The following PCCA variants were observed in gnomAD, a reference collection of about 807,000 sequenced individuals.
PCCA encodes the protein propionyl-CoA carboxylase subunit alpha, also known as propionyl-CoA carboxylase alpha chain, mitochondrial.
PCCA carries 74 observed loss-of-function variants against 101.3 expected under a neutral mutation model. The ratio of observed to expected loss-of-function variants is 0.73; its 90% CI spans 0.61 to 0.89. The LOEUF is 0.89. PCCA is among the 40% of genes least tolerant of loss of function. PCCA has a pLI of 0.00. For synonymous variants in PCCA, 294 were observed against 313.6 expected (o/e 0.94, Z 0.66); for missense variants, 891 against 907.0 (o/e 0.98, Z 0.23).
intron 20 of PCCA, among the ~76,000 whole-genome samples, chr13:100,448,481 G>A (rs184305517): frequency 3.3e-5 from 5 of 152,244 alleles, no homozygotes; most frequent in Middle Eastern, 3.4e-3. Context: ...ATGAGCCACC[G>A]CGCCTGGCCC....
intron 15 of PCCA, among the ~76,000 whole-genome samples, chr13:100,309,614 A>G (rs2066745750): frequency 6.6e-6 from 1 of 152,140 alleles, no homozygotes; most frequent in Admixed American, 6.5e-5. Flanking sequence ...ACTCTTTACT[A>G]TGATAATGAA....
intron 6 of PCCA, among the ~76,000 whole-genome samples, chr13:100,186,563 G>A (rs1199131699): frequency 1.3e-5 from 2 of 151,848 alleles, no homozygotes; most frequent in East Asian, 1.9e-4. Flanking sequence ...GCAAAATGAC[G>A]AAACCCTGTC....
chr13:100,228,726 A>C (rs574661081), intron 7 of PCCA, among the ~76,000 whole-genome samples: 3 of 151,880 alleles, frequency 2.0e-5, no homozygotes, highest in African/African-American at 7.3e-5. Context: ...GTGAAACCCC[A>C]TCTCTACTAA....
intron 8 of PCCA, among the ~76,000 whole-genome samples, chr13:100,240,342 A>G (rs1190740874): frequency 6.7e-6 from 1 of 150,012 alleles, no homozygotes; most frequent in African/African-American, 2.4e-5. Context: ...TTACTTGAAC[A>G]CAGCAAATTT....
chr13:100,497,965 G>T (rs553702785), intron 21 of PCCA, among the ~76,000 whole-genome samples: 8 of 151,824 alleles, frequency 5.3e-5, no homozygotes, highest in Non-Finnish European at 1.2e-4. Flanking sequence ...GAACTACCGG[G>T]CTCAGTTGAT....
intron 18 of PCCA, among the ~76,000 whole-genome samples, chr13:100,359,368 A>G (rs2074321678): frequency 1.3e-5 from 2 of 152,208 alleles, no homozygotes; most frequent in Non-Finnish European, 1.5e-5. Flanking sequence ...AATAAAAGGC[A>G]TAGAAATCAG....
chr13:100,516,860 C>T (rs1273316568), intron 22 of PCCA, among the ~76,000 whole-genome samples: 1 of 151,642 alleles, frequency 6.6e-6, no homozygotes, highest in Non-Finnish European at 1.5e-5. Context: ...TTCACTTGCA[C>T]GTGACATTAT....
chr13:100,206,938 T>C (rs1383474040), intron 6 of PCCA, among the ~76,000 whole-genome samples: 1 of 152,206 alleles, frequency 6.6e-6, no homozygotes, highest in South Asian at 2.1e-4. Flanking sequence ...TACTTACCTC[T>C]TGCTCTCCGT....
chr13:100,252,781 A>G (rs2061839554), intron 8 of PCCA, among the ~76,000 whole-genome samples: 1 of 152,170 alleles, frequency 6.6e-6, no homozygotes, highest in Non-Finnish European at 1.5e-5. Flanking sequence ...CGCTAACTCT[A>G]GTCTTTGTCT....
intron 2 of PCCA, among the ~76,000 whole-genome samples, chr13:100,106,596 G>A (rs1024049190): frequency 3.3e-5 from 5 of 151,854 alleles, no homozygotes; most frequent in African/African-American, 1.2e-4. Flanking sequence ...TGTATTTTTA[G>A]TAGAGATGGA....
chr13:100,306,288 A>T (rs1326337206), intron 14 of PCCA, among the ~76,000 whole-genome samples: 2 of 152,222 alleles, frequency 1.3e-5, no homozygotes, highest in African/African-American at 4.8e-5. Context: ...TGGGCATCAA[A>T]GTCCTGCTGT....
intron 19 of PCCA, among the ~76,000 whole-genome samples, chr13:100,379,933 C>T (rs565252952): frequency 6.6e-6 from 1 of 152,220 alleles, no homozygotes; most frequent in South Asian, 2.1e-4. Flanking sequence ...ACAATTCCTG[C>T]CGAAGTCCAA....
intron 16 of PCCA, among the ~76,000 whole-genome samples, chr13:100,323,296 T>G (rs890069448): frequency 6.6e-6 from 1 of 152,094 alleles, no homozygotes; most frequent in African/African-American, 2.4e-5. Context: ...AGGTGTAAAC[T>G]CAGATTTCAG....
intron 6 of PCCA, among the ~76,000 whole-genome samples, chr13:100,157,685 G>A (rs2054014808): frequency 1.3e-5 from 2 of 152,032 alleles, no homozygotes; most frequent in Non-Finnish European, 2.9e-5. Flanking sequence ...TTATTTTGTG[G>A]CATTTAATAT....
chr13:100,436,654 T>C (rs2079960657), intron 20 of PCCA, among the ~76,000 whole-genome samples: 1 of 152,370 alleles, frequency 6.6e-6, no homozygotes, highest in East Asian at 1.9e-4. Context: ...ATAAATTTCA[T>C]AGGTTATTAA....
intron 6 of PCCA, among the ~76,000 whole-genome samples, chr13:100,184,462 C>T (rs1406839547): frequency 1.3e-5 from 2 of 152,160 alleles, no homozygotes; most frequent in Non-Finnish European, 2.9e-5. Context: ...TAAGGTGTCT[C>T]CGTAAGATAG....
intron 19 of PCCA, among the ~76,000 whole-genome samples, chr13:100,396,918 G>A (rs1024430444): frequency 7.2e-5 from 11 of 152,070 alleles, no homozygotes; most frequent in Non-Finnish European, 1.0e-4. Flanking sequence ...AGGCCCTGCT[G>A]TGGTTCAAAA....
chr13:100,382,655 A>C (rs1378653298), intron 19 of PCCA, among the ~76,000 whole-genome samples: 2 of 152,248 alleles, frequency 1.3e-5, no homozygotes, highest in Non-Finnish European at 1.5e-5. Context: ...AACATTTATC[A>C]GAGACCTTTA....
chr13:100,313,318 G>T (rs553210550), intron 16 of PCCA, among the ~76,000 whole-genome samples: 3 of 152,180 alleles, frequency 2.0e-5, no homozygotes, highest in Admixed American at 6.5e-5. Context: ...TTGAGACAGC[G>T]TTATTGCAAT....
Sources: gnomAD v4.1 joint callset for allele counts (sites outside exome capture counted in the v4.1 genomes callset) on GRCh38, gnomAD v4.1.1 for gene constraint, MANE v1.5 for transcripts, NCBI Gene and HGNC (gene_info 2026-07-23, HGNC 2026-07-21) for gene names.